RAP1GAP: variants seen among roughly 807,000 people sequenced by gnomAD.
RAP1GAP encodes RAP1 GTPase activating protein.
RAP1GAP carries 35 observed loss-of-function variants against 87.2 expected under a neutral mutation model. The ratio of observed to expected loss-of-function variants is 0.40; its 90% CI spans 0.31 to 0.53. The LOEUF (loss-of-function observed/expected upper bound fraction) is 0.53, where lower values mean the gene tolerates loss of function less well. Among genes scored for constraint, RAP1GAP ranks in the 20% least tolerant of loss-of-function variants. The pLI is 0.48. For missense variants in RAP1GAP, 734 were observed against 898.9 expected (o/e 0.82, Z 2.35); for synonymous variants, 375 against 363.9 (o/e 1.03, Z -0.35).
chr1:21,651,946 C>T (rs1489977713), intron 1 of RAP1GAP: 3 of 841,542 alleles, frequency 3.6e-6, no homozygotes, highest in Admixed American at 6.2e-5. Context: ...GTCCGCGCCC[C>T]AGCGGGCCGC....
At chr1:21,666,794 C>T (rs1415210898) in intron 1 of RAP1GAP, among the ~76,000 whole-genome samples, 6 of 151,978 alleles carry the variant, frequency 3.9e-5, no homozygotes, top group Non-Finnish European at 7.4e-5. Flanking sequence ...GTAGGGCATC[C>T]TCGTGTTCTT....
At chr1:21,607,946 C>G (rs2075814438) in intron 17 of RAP1GAP, among the ~76,000 whole-genome samples, 1 of 151,638 alleles carries the variant, frequency 6.6e-6, no homozygotes, top group Non-Finnish European at 1.5e-5. Flanking sequence ...GGCGAGCGGC[C>G]TCTAGCCACA....
intron 13 of RAP1GAP, 92 bp downstream of exon 13, chr1:21,611,360 C>T (rs2149341117): frequency 6.8e-7 from 1 of 1,478,908 alleles, no homozygotes; most frequent in Non-Finnish European, 9.1e-7. Flanking sequence ...TCCCAGGGCC[C>T]AGCGCTGAGC....
Position 21,613,082 on chromosome 1 carries a change from G to A in RAP1GAP, c.528+94C>T. On this transcript the variant is annotated intron_variant, in intron 10 of 24. Coordinates refer to ENST00000374765, the MANE Select transcript of RAP1GAP (RefSeq NM_002885.4). The surrounding 1 kb of genome is among the most constrained non-coding windows in gnomAD (Gnocchi z 4.7). ...GTGAGGATTAAATGAGAGAACCTTG[G>A]GAAAGTATCTGGCACACAGAAGGTG... 1 of 1,328,522 alleles carries A rather than the reference G, an allele frequency of 7.5e-7. No homozygotes were observed. The allele number at this position is 1,328,522 out of a possible 1,614,324, so 82.3% of individuals were successfully genotyped here.
chr1:21,661,473 T>C (rs1199777634), intron 1 of RAP1GAP, among the ~76,000 whole-genome samples: 1 of 152,186 alleles, frequency 6.6e-6, no homozygotes, highest in African/African-American at 2.4e-5. Context: ...TTTAGTCCTA[T>C]CATAATATAC....
rs1372932435 is a variant in RAP1GAP at position 21,612,078 on chromosome 1, T to C, written c.560A>G (p.His187Arg). Residue 187 changes from histidine (H) to arginine (R), a missense_variant, in exon 11 of 25, where the codon CAT (histidine) becomes CGT (arginine). Around this residue, in one of 2 missense-constraint regions of RAP1GAP, gnomAD observed 485 missense variants for 646.2 expected, o/e 0.75. Coordinates refer to ENST00000374765, the MANE Select transcript of RAP1GAP (RefSeq NM_002885.4). ...ASRLIVTFDE[H>R]VISNNFKFGV... ...AAACTTGAAGTTATTGCTGATGACA[T>C]GCTCGTCAAAGGTGACGATGAGCCG... 3 of 1,553,812 alleles carry C rather than the reference T, an allele frequency of 1.9e-6. No individual in the cohort carries two copies. In the South Asian group the frequency reaches 3.6e-5, roughly 18 times the overall value.
intron 2 of RAP1GAP, among the ~76,000 whole-genome samples, chr1:21,630,770 T>A (rs2093582609): frequency 6.6e-6 from 1 of 152,142 alleles, no homozygotes; most frequent in Non-Finnish European, 1.5e-5. Flanking sequence ...TTGCCCAGGC[T>A]GGTCTGGAAC....
In RAP1GAP at chr1:21,597,678, G is replaced by T; in HGVS notation, c.*34+8C>A. 1 of 1,600,616 alleles carries T rather than the reference G, an allele frequency of 6.2e-7. No individual in the cohort carries two copies. Among genetic ancestry groups the T allele is most frequent in the East Asian group, 2.2e-5 (1 of 44,794 alleles). On this transcript the variant is annotated splice_region_variant and intron_variant, in intron 24 of 24. Coordinates refer to ENST00000374765, the MANE Select transcript of RAP1GAP (RefSeq NM_002885.4). ...CCACCAAACACAAGCTGAGGGGCTGGGTCTAACCTGCTCAGTTTCACCTTC... is the reference window on the plus strand; with the variant it reads ...CCACCAAACACAAGCTGAGGGGCTGTGTCTAACCTGCTCAGTTTCACCTTC...
chr1:21,603,571 G>A lies in RAP1GAP; in HGVS notation c.1429-658C>T. On this transcript the variant is annotated intron_variant, in intron 18 of 24. Coordinates refer to ENST00000374765, the MANE Select transcript of RAP1GAP (RefSeq NM_002885.4). The surrounding 1 kb of genome is among the most constrained non-coding windows in gnomAD (Gnocchi z 6.0). ...CTGGGTGTAGGGCCTTTGGGTACCGGATCCTGGCAGGGACTGGGCCAGGGT... is the reference window on the plus strand; with the variant it reads ...CTGGGTGTAGGGCCTTTGGGTACCGAATCCTGGCAGGGACTGGGCCAGGGT... The A allele has an allele frequency of 1.6e-6, 1 of 637,718 alleles. No individual in the cohort carries two copies. The highest frequency in any genetic ancestry group is 2.8e-6 in the Non-Finnish European group (1 of 353,340). The allele number at this position is 637,718 out of a possible 1,614,324, so 39.5% of individuals were successfully genotyped here.
At position 21,613,265 on chromosome 1, in the gene RAP1GAP, G is replaced by A. The variant is rs763389875; in HGVS notation, c.475-36C>T. The A allele has an allele frequency of 3.3e-6, 5 of 1,521,076 alleles. No individual in the cohort carries two copies. The highest frequency in any genetic ancestry group is 3.7e-6 in the Non-Finnish European group (4 of 1,095,624). The allele number at this position is 1,521,076 out of a possible 1,614,324, so 94.2% of individuals were successfully genotyped here. On this transcript the variant is annotated intron_variant, in intron 9 of 24. Coordinates refer to ENST00000374765, the MANE Select transcript of RAP1GAP (RefSeq NM_002885.4). The surrounding 1 kb of genome is among the most constrained non-coding windows in gnomAD (Gnocchi z 4.7). Reference sequence around the variant, plus strand: ...AGATAAGGGAGGGGTGTGAGGTGTGGGGCCAGGGAGGAGAGGATGGGGCTG... The same window carrying A: ...AGATAAGGGAGGGGTGTGAGGTGTGAGGCCAGGGAGGAGAGGATGGGGCTG...
chr1:21,621,350 G>T (rs2087302897), intron 3 of RAP1GAP, among the ~76,000 whole-genome samples: 1 of 152,116 alleles, frequency 6.6e-6, no homozygotes, highest in Non-Finnish European at 1.5e-5. Flanking sequence ...AAGGTATCCA[G>T]CAACTGCAGG....
chr1:21,602,179 G>A (rs925217215), intron 19 of RAP1GAP, among the ~76,000 whole-genome samples: 1 of 152,232 alleles, frequency 6.6e-6, no homozygotes, highest in Non-Finnish European at 1.5e-5. Flanking sequence ...CCGTCCTGGA[G>A]CCCTCTCAGG....
chr1:21,608,103 T>C (rs928876977), intron 17 of RAP1GAP, 110 bp downstream of exon 17: 23 of 1,467,696 alleles, frequency 1.6e-5, no homozygotes, highest in Admixed American at 1.0e-4. Context: ...CCACGCCCCT[T>C]CTGCCAGACT....
At position 21,617,983 on chromosome 1, in the gene RAP1GAP, C is replaced by A. The variant is rs760976375; in HGVS notation, c.67-11G>T. 1.1e-5 allele frequency: 18 copies of A among 1,614,106 alleles called. No individual in the cohort carries two copies. Among genetic ancestry groups the A allele is most frequent in the Non-Finnish European group, 1.4e-5 (16 of 1,179,996 alleles). On this transcript the variant is annotated splice_polypyrimidine_tract_variant and intron_variant, in intron 5 of 24. Coordinates refer to ENST00000374765, the MANE Select transcript of RAP1GAP (RefSeq NM_002885.4). The stretch of plus-strand genomic sequence containing the variant: ...GTAGTCCTCCTCTGTCTGCAAAACA[C>A]AAACAGGGCAAGGGTCTCTCCATCT...
chr1:21,605,945 C>G (rs2074192735), intron 18 of RAP1GAP, 121 bp downstream of exon 18: 1 of 1,273,060 alleles, frequency 7.9e-7, no homozygotes, highest in Non-Finnish European at 1.1e-6. Context: ...AATCCAGAGC[C>G]TAGGATGGGC....
At chr1:21,660,190 A>G (rs2097063717) in intron 1 of RAP1GAP, among the ~76,000 whole-genome samples, 2 of 150,902 alleles carry the variant, frequency 1.3e-5, no homozygotes, top group Non-Finnish European at 3.0e-5. Flanking sequence ...GTAGGTGCTT[A>G]ATAACCCGTT....
chr1:21,639,007 G>C (rs1400137896), intron 2 of RAP1GAP, among the ~76,000 whole-genome samples: 1 of 152,284 alleles, frequency 6.6e-6, no homozygotes, highest in African/African-American at 2.4e-5. Context: ...GGTCAGGGAA[G>C]AGCAGAGGCA....
intron 1 of RAP1GAP, among the ~76,000 whole-genome samples, chr1:21,662,272 C>G (rs1269088237): frequency 1.3e-5 from 2 of 152,224 alleles, no homozygotes; most frequent in African/African-American, 4.8e-5. Context: ...CCGGCACACT[C>G]AGCAGCAACC....
intron 2 of RAP1GAP, among the ~76,000 whole-genome samples, chr1:21,649,131 T>G (rs1278851637): frequency 1.3e-5 from 2 of 152,144 alleles, no homozygotes; most frequent in African/African-American, 4.8e-5. Flanking sequence ...GGTGCCACGA[T>G]GTATCCCGAG....
Sources: allele counts gnomAD v4.1 joint callset (sites outside exome capture counted in the v4.1 genomes callset), GRCh38; gene constraint gnomAD v4.1.1; regional missense constraint gnomAD v4.1.1; non-coding constraint Gnocchi (gnomAD v3.1); transcripts MANE v1.5; gene names NCBI Gene and HGNC (gene_info 2026-07-23, HGNC 2026-07-21).